ZC3H12B: variants seen among roughly 807,000 people sequenced by gnomAD.
ZC3H12B encodes the protein zinc finger CCCH-type containing 12B.
ZC3H12B carries 7 observed loss-of-function variants against 43.9 expected under a neutral mutation model. The ratio of observed to expected loss-of-function variants is 0.16; its 90% CI spans 0.09 to 0.30. The LOEUF (loss-of-function observed/expected upper bound fraction) is 0.30, where lower values mean the gene tolerates loss of function less well. ZC3H12B is among the 10% of genes least tolerant of loss of function. The pLI is 1.00. For synonymous variants in ZC3H12B, 222 were observed against 241.7 expected, an observed-to-expected ratio of 0.92 and a Z score of 0.76; for missense variants, 475 against 670.2, an observed-to-expected ratio of 0.71 and a Z score of 3.22.
chrX:65,158,031 T>A, the ZC3H12B span, among the ~76,000 whole-genome samples: 1 of 105,148 alleles, frequency 9.5e-6, no homozygotes, highest in Non-Finnish European at 2.0e-5. Context: ...TGTTTGGTTT[T>A]TTGCCCTTGC....
chrX:65,063,812 T>A, the ZC3H12B span, among the ~76,000 whole-genome samples: 1 of 112,019 alleles, frequency 8.9e-6, no homozygotes, highest in South Asian at 3.7e-4. Flanking sequence ...TGATAAGCTA[T>A]TAATTACTGC....
At chrX:65,134,324 C>A in the ZC3H12B span, among the ~76,000 whole-genome samples, 255 of 110,849 alleles carry the variant, frequency 2.3e-3, 2 homozygotes, top group African/African-American at 7.7e-3. Flanking sequence ...GATCAGACAC[C>A]AATGGAGTGT....
the ZC3H12B span, among the ~76,000 whole-genome samples, chrX:65,307,400 T>A: frequency 9.0e-6 from 1 of 111,655 alleles, no homozygotes; most frequent in South Asian, 3.7e-4. Context: ...TTAAGTATAA[T>A]CTAGGATATA....
At chrX:65,156,360 C>T in the ZC3H12B span, among the ~76,000 whole-genome samples, 2 of 111,011 alleles carry the variant, frequency 1.8e-5, no homozygotes, top group Non-Finnish European at 3.8e-5. Flanking sequence ...GCTGCCACAA[C>T]CTGCTAAATT....
intron 3 of ZC3H12B, among the ~76,000 whole-genome samples, chrX:65,410,081 A>G (rs2066884937): frequency 9.5e-6 from 1 of 105,687 alleles, no homozygotes; most frequent in Non-Finnish European, 1.9e-5. Context: ...TAGTAATCAA[A>G]TCAGCATGGT....
intron 3 of ZC3H12B, among the ~76,000 whole-genome samples, chrX:65,448,865 A>G (rs146655704): frequency 0.057 from 5,538 of 97,525 alleles, 727 homozygotes; most frequent in African/African-American, 0.22. Flanking sequence ...AGAAGGGAGG[A>G]AGGGAGGGAG....
chrX:65,192,442 A>G, the ZC3H12B span, among the ~76,000 whole-genome samples: 1 of 111,526 alleles, frequency 9.0e-6, no homozygotes, highest in African/African-American at 3.3e-5. Context: ...GATCTTAGAT[A>G]AAAGGCTTGC....
chrX:65,298,931 A>T, the ZC3H12B span, among the ~76,000 whole-genome samples: 10 of 111,628 alleles, frequency 9.0e-5, no homozygotes, highest in African/African-American at 3.3e-4. Flanking sequence ...TAAAGCCGTC[A>T]GATCTCATGA....
chrX:65,320,942 A>T, the ZC3H12B span, among the ~76,000 whole-genome samples: 1 of 112,349 alleles, frequency 8.9e-6, no homozygotes, highest in Non-Finnish European at 1.9e-5. Context: ...AACTATGAAA[A>T]CTCTAGAAGA....
intron 3 of ZC3H12B, among the ~76,000 whole-genome samples, chrX:65,457,116 C>T (rs1035023666): frequency 3.4e-5 from 3 of 89,147 alleles, no homozygotes; most frequent in African/African-American, 1.3e-4. Flanking sequence ...ATGTGAGGAG[C>T]GCCTCTGCTG....
chrX:65,431,354 G>A (rs1382843677), intron 3 of ZC3H12B, among the ~76,000 whole-genome samples: 1 of 112,422 alleles, frequency 8.9e-6, no homozygotes, highest in Non-Finnish European at 1.9e-5. Context: ...GTAGATGCCT[G>A]ATTACTCTGG....
At chrX:65,156,409 C>T in the ZC3H12B span, among the ~76,000 whole-genome samples, 81 of 111,734 alleles carry the variant, frequency 7.2e-4, no homozygotes, top group South Asian at 0.015. Context: ...GAGACAGAGT[C>T]TTGCTCCATC....
chrX:65,063,599 A>G, the ZC3H12B span, among the ~76,000 whole-genome samples: 1 of 112,241 alleles, frequency 8.9e-6, no homozygotes, highest in Non-Finnish European at 1.9e-5. Context: ...AATGTTCATC[A>G]AGGATATTGG....
At chrX:65,445,998 A>G (rs1284177370) in intron 3 of ZC3H12B, among the ~76,000 whole-genome samples, 1 of 111,495 alleles carries the variant, frequency 9.0e-6, no homozygotes, top group Non-Finnish European at 1.9e-5. Context: ...CCCAAGGCCC[A>G]TGGTGAGTAC....
exon 5 of ZC3H12B, chrX:65,502,014 G>C: frequency 8.3e-7 from 1 of 1,210,101 alleles, no homozygotes; most frequent in Non-Finnish European, 1.1e-6. Context: ...TCAGATCCCA[G>C]CATCCGGTCT....
chrX:65,176,967 AAAC>A, the ZC3H12B span, among the ~76,000 whole-genome samples: 1 of 112,091 alleles, frequency 8.9e-6, no homozygotes, highest in Non-Finnish European at 1.9e-5. Flanking sequence ...TCTGGCAAAG[AAAC>A]AACAACAACA....
At chrX:65,154,434 T>C in the ZC3H12B span, among the ~76,000 whole-genome samples, 1 of 111,859 alleles carries the variant, frequency 8.9e-6, no homozygotes, top group African/African-American at 3.3e-5. Flanking sequence ...CCCCCTTCCA[T>C]CTTGTTACAA....
the ZC3H12B span, among the ~76,000 whole-genome samples, chrX:65,132,188 G>T: frequency 9.0e-6 from 1 of 111,654 alleles, no homozygotes; most frequent in African/African-American, 3.3e-5. Context: ...ACAAAAGAGT[G>T]TACGGGTTGG....
Position 65,488,787 on chromosome X carries a change from G to A in ZC3H12B, c.-15G>A, listed in dbSNP as rs766676441. On this transcript the variant is annotated 5_prime_UTR_variant, in exon 1 of 5. Coordinates refer to ENST00000338957, the Ensembl canonical transcript of ZC3H12B. ...AAAAAGAACTGATTAGACCTCAGAC[G>A]ACCCACTAAACGGGATGACGGCCAC... 1.0e-5 allele frequency: 12 copies of A among 1,156,581 alleles called. No individual in the cohort carries two copies. The East Asian group carries it at 1.2e-4, about 12-fold the overall frequency.
Sources: allele counts gnomAD v4.1 joint callset (sites outside exome capture counted in the v4.1 genomes callset), GRCh38; gene constraint gnomAD v4.1.1; transcripts MANE v1.5; gene names NCBI Gene and HGNC (gene_info 2026-07-23, HGNC 2026-07-21).